The following ANKRD44 variants were observed in gnomAD, a reference collection of about 807,000 sequenced individuals.
ANKRD44 encodes ankyrin repeat domain 44.
A neutral mutation model predicts 116.0 loss-of-function variants in ANKRD44; 35 were observed. The ratio of observed to expected loss-of-function variants is 0.30; its 90% confidence interval spans 0.23 to 0.40. The LOEUF is 0.40. Among genes scored for constraint, ANKRD44 ranks in the 10% least tolerant of loss-of-function variants. The pLI is 1.00. For missense variants in ANKRD44, 1,014 were observed against 1,242.6 expected (o/e 0.82, Z 2.77); for synonymous variants, 435 against 461.8 (o/e 0.94, Z 0.74).
At chr2:197,220,458 A>G (rs1450541904) in intron 1 of ANKRD44, among the ~76,000 whole-genome samples, 2 of 152,254 alleles carry the variant, frequency 1.3e-5, no homozygotes, top group East Asian at 3.9e-4. Context: ...GTCATTGTGT[A>G]TTTCAAGATG....
At position 197,186,631 on chromosome 2, in the gene ANKRD44, T is replaced by C. The variant is rs1012862635; in HGVS notation, c.111+392A>G. ...ATTTTTCTTTTTTTTTTTTTTTTTT[T>C]TTTTTTTTTTTTTTTTAGAGACAGA... On this transcript the variant is annotated intron_variant, in intron 2 of 27. Transcript: ENST00000282272. Among the ~76,000 whole-genome samples, 53 of 118,294 alleles carry C rather than the reference T, an allele frequency of 4.5e-4. 1 individual carries two copies. The highest frequency in any genetic ancestry group is 7.9e-4 in the African/African-American group (19 of 24,068). 77.6% of individuals were successfully genotyped at this position (118,294 alleles called of 152,430 possible). A position where few individuals can be genotyped will look rare whatever the true frequency, so the allele number is the denominator to read the frequency against.
intron 1 of ANKRD44, chr2:197,263,332 C>T (rs1394944848): frequency 7.4e-6 from 4 of 543,896 alleles, no homozygotes; most frequent in Admixed American, 2.7e-5. Context: ...CAGCCAAGTT[C>T]ATTGGGGCTG....
intron 1 of ANKRD44, among the ~76,000 whole-genome samples, chr2:197,274,471 A>C (rs2083015839): frequency 6.6e-6 from 1 of 152,124 alleles, no homozygotes; most frequent in African/African-American, 2.4e-5. Context: ...CTCACCTGAG[A>C]TCACACCATT....
intron 1 of ANKRD44, among the ~76,000 whole-genome samples, chr2:197,195,612 A>G (rs140415209): frequency 3.5e-4 from 54 of 152,326 alleles, no homozygotes; most frequent in African/African-American, 1.3e-3. Context: ...CTTTATATAT[A>G]GCCCAAATCC....
At chr2:197,086,431 T>A (rs1279540283) in intron 13 of ANKRD44, among the ~76,000 whole-genome samples, 1 of 152,144 alleles carries the variant, frequency 6.6e-6, no homozygotes, top group Non-Finnish European at 1.5e-5. Flanking sequence ...TTTTGTTTTG[T>A]CTTTTAACTG....
intron 2 of ANKRD44, among the ~76,000 whole-genome samples, chr2:197,155,538 C>T (rs1431911585): frequency 3.3e-5 from 5 of 152,170 alleles, no homozygotes; most frequent in African/African-American, 4.8e-5. Context: ...TATAAAGTTA[C>T]AGTAATCAAA....
chr2:197,088,202 G>C (rs558650076), intron 12 of ANKRD44, among the ~76,000 whole-genome samples: 1 of 152,300 alleles, frequency 6.6e-6, no homozygotes, highest in South Asian at 2.1e-4. Context: ...TTAAAAAAAG[G>C]TAAGGATTAA....
At chr2:197,257,359 C>G (rs916018607) in intron 1 of ANKRD44, among the ~76,000 whole-genome samples, 1 of 144,432 alleles carries the variant, frequency 6.9e-6, no homozygotes, top group African/African-American at 2.6e-5. Context: ...TAAAAGCACA[C>G]AGAAACACAG....
At chr2:197,153,481 A>T (rs545456521) in intron 2 of ANKRD44, among the ~76,000 whole-genome samples, 1 of 152,304 alleles carries the variant, frequency 6.6e-6, no homozygotes, top group Non-Finnish European at 1.5e-5. Flanking sequence ...GAAGTATTTC[A>T]AATTACATGA....
At chr2:197,145,632 G>A (rs1007478773) in intron 3 of ANKRD44, among the ~76,000 whole-genome samples, 2 of 152,192 alleles carry the variant, frequency 1.3e-5, no homozygotes, top group Non-Finnish European at 2.9e-5. Flanking sequence ...TGGGGCACAC[G>A]TGTTTTGAGG....
At position 197,218,499 on chromosome 2, in the gene ANKRD44, C is replaced by T. The variant is rs141436734; in HGVS notation, c.28-31393G>A. On this transcript the variant is annotated intron_variant, in intron 1 of 27. Coordinates refer to ENST00000282272, the MANE Select transcript of ANKRD44 (RefSeq NM_001195144.2). Reference sequence around the variant, plus strand: ...TCCCAGCTTCACATCTTGGCTCAAGCTCTTCTTTTAATTGCTCCCAAACCA... The same window carrying T: ...TCCCAGCTTCACATCTTGGCTCAAGTTCTTCTTTTAATTGCTCCCAAACCA... 5.4e-3 allele frequency among the ~76,000 whole-genome samples: 818 copies of T among 152,266 alleles called. 7 individuals carry two copies. Among genetic ancestry groups the T allele is most frequent in the African/African-American group, 0.019 (769 of 41,542 alleles).
In ANKRD44 at chr2:197,125,949, T is replaced by A. The variant is rs1423781236; in HGVS notation, c.350A>T (p.Asn117Ile). 5.0e-6 allele frequency: 8 copies of A among 1,614,240 alleles called. No homozygotes were observed. The highest frequency in any genetic ancestry group is 1.6e-4 in the Middle Eastern group (1 of 6,062). Residue 117 changes from asparagine (N) to isoleucine (I), a missense_variant, in exon 5 of 28, where the codon AAC (asparagine) becomes ATC (isoleucine). By Grantham distance (149) the Asn-to-Ile change is moderately radical. Coordinates refer to ENST00000282272, the MANE Select transcript of ANKRD44 (RefSeq NM_001195144.2). ...CACTTCTGCACATTTGACAGCCTTGTTGGCTGCTGCCACATGAAGAGGGGT... is the reference window on the plus strand; with the variant it reads ...CACTTCTGCACATTTGACAGCCTTGATGGCTGCTGCCACATGAAGAGGGGT... ...WQTPLHVAAA[N>I]KAVKCAEVII... is the part of the protein sequence containing the mutation.
intron 1 of ANKRD44, among the ~76,000 whole-genome samples, chr2:197,188,171 A>T: frequency 6.6e-6 from 1 of 152,198 alleles, no homozygotes; most frequent in East Asian, 1.9e-4. Context: ...CCAAGCTCTT[A>T]TTATTGAACT....
intron 16 of ANKRD44, among the ~76,000 whole-genome samples, chr2:197,065,190 C>T (rs2077404096): frequency 6.6e-6 from 1 of 152,180 alleles, no homozygotes; most frequent in African/African-American, 2.4e-5. Flanking sequence ...GAACAACCTG[C>T]TCCTGAATGA....
intron 1 of ANKRD44, among the ~76,000 whole-genome samples, chr2:197,196,934 G>C (rs2579409): frequency 6.6e-6 from 1 of 152,154 alleles, no homozygotes; most frequent in Non-Finnish European, 1.5e-5. Flanking sequence ...TGTGTAAAAC[G>C]GAGTCACCTT....
At chr2:197,305,573 C>A (rs895506676) in intron 1 of ANKRD44, among the ~76,000 whole-genome samples, 2 of 151,474 alleles carry the variant, frequency 1.3e-5, no homozygotes, top group African/African-American at 4.9e-5. Flanking sequence ...TCTCTGTTTA[C>A]AGCAAAAGAG....
intron 1 of ANKRD44, among the ~76,000 whole-genome samples, chr2:197,290,201 A>G (rs2083522104): frequency 6.6e-6 from 1 of 151,488 alleles, no homozygotes; most frequent in Non-Finnish European, 1.5e-5. Flanking sequence ...GGTTGTACTA[A>G]TTTACATTCC....
intron 16 of ANKRD44, among the ~76,000 whole-genome samples, chr2:197,037,260 T>A (rs2076825434): frequency 6.6e-6 from 1 of 152,248 alleles, no homozygotes; most frequent in Admixed American, 6.5e-5. Context: ...TATTGAAAAG[T>A]GAAATGGTTG....
chr2:197,018,774 T>C (rs540095478), intron 17 of ANKRD44, among the ~76,000 whole-genome samples: 32 of 152,354 alleles, frequency 2.1e-4, no homozygotes, highest in African/African-American at 7.7e-4. Flanking sequence ...CTATATTTAT[T>C]ACTATTTTTG....
Sources: gnomAD v4.1 joint callset for allele counts (sites outside exome capture counted in the v4.1 genomes callset) on GRCh38, gnomAD v4.1.1 for gene constraint, MANE v1.5 for transcripts, NCBI Gene and HGNC (gene_info 2026-07-23, HGNC 2026-07-21) for gene names.